Variants in PKD1L1 observed in about 807,000 individuals in gnomAD.
The protein encoded by PKD1L1 is polycystin-1-like protein 1.
In PKD1L1, 236 loss-of-function variants were observed where a neutral mutation model predicts 323.4. The observed-to-expected ratio is 0.73, with a 90% confidence interval of 0.66 to 0.81. The LOEUF is 0.81. Ranked by LOEUF, PKD1L1 falls within the 40% of genes least tolerant of loss-of-function variation. The pLI, the probability that PKD1L1 is intolerant of heterozygous loss-of-function variation, is 0.00. For synonymous variants in PKD1L1, 1,344 were observed against 1,335.0 expected (o/e 1.01, Z -0.15); for missense variants, 3,320 against 3,508.0 (o/e 0.95, Z 1.35).
At chr7:47,960,093 CAT>C in the PKD1L1 span, among the ~76,000 whole-genome samples, 1 of 151,670 alleles carries the variant, frequency 6.6e-6, no homozygotes, top group Admixed American at 6.6e-5. Context: ...CTCTCTGAAA[CAT>C]GTGCTGTGTC....
At chr7:47,865,963 G>A (rs957091309) in intron 25 of PKD1L1, among the ~76,000 whole-genome samples, 1 of 152,126 alleles carries the variant, frequency 6.6e-6, no homozygotes, top group South Asian at 2.1e-4. Context: ...GTATCTTAAA[G>A]TTGTAATGAA....
intron 4 of PKD1L1, among the ~76,000 whole-genome samples, chr7:47,935,065 C>T (rs1470011204): frequency 1.3e-5 from 2 of 152,218 alleles, no homozygotes; most frequent in Non-Finnish European, 2.9e-5. Flanking sequence ...TGCCAGGCCT[C>T]AGCAGAGAGA....
At chr7:47,879,626 T>TCA (rs1786487844) in intron 21 of PKD1L1, among the ~76,000 whole-genome samples, 1 of 79,260 alleles carries the variant, frequency 1.3e-5, no homozygotes, top group Non-Finnish European at 2.3e-5. Context: ...GAGCAAGACT[T>TCA]TGTCTCAAAA....
chr7:47,823,122 G>A (rs1028050260), intron 45 of PKD1L1, among the ~76,000 whole-genome samples: 2 of 152,118 alleles, frequency 1.3e-5, no homozygotes, highest in African/African-American at 4.8e-5. Flanking sequence ...TGATCGGAGA[G>A]GACATTTTTG....
chr7:47,942,454 C>G (rs942284770), intron 2 of PKD1L1, among the ~76,000 whole-genome samples: 2 of 151,982 alleles, frequency 1.3e-5, no homozygotes, highest in Admixed American at 6.6e-5. Flanking sequence ...CCCGCCCCCC[C>G]ACTCCATTTA....
intron 14 of PKD1L1, among the ~76,000 whole-genome samples, chr7:47,894,824 C>A (rs1418743080): frequency 6.7e-6 from 1 of 150,352 alleles, no homozygotes; most frequent in Non-Finnish European, 1.5e-5. Flanking sequence ...CACCACTACA[C>A]TCCAGCCTGG....
rs1787159528 is a variant in PKD1L1, at chr7:47,904,550, C to A, written c.1759G>T (p.Val587Leu). 1 of 1,613,990 alleles carries A rather than the reference C, an allele frequency of 6.2e-7. No individual in the cohort carries two copies. The highest frequency in any genetic ancestry group is 8.5e-7 in the Non-Finnish European group (1 of 1,180,034). ...SVVSEPHVIR[V>L]QKKIVANRLT... is the part of the protein sequence containing the mutation. ...CGATTGGCCACAATTTTCTTCTGCA[C>A]CCTGATGACATGGGGCTCAGAGACC... The change falls in exon 12 of 57, where the codon GTG becomes TTG. Residue 587 changes from valine (V) to leucine (L), a missense_variant. Val to Leu is a conservative substitution (Grantham distance 32, BLOSUM62 1). Transcript: ENST00000289672.
chr7:47,949,765 T>A (rs938009965), upstream of PKD1L1, among the ~76,000 whole-genome samples: 2 of 152,130 alleles, frequency 1.3e-5, no homozygotes, highest in Non-Finnish European at 2.9e-5. Context: ...AGGCACAAGC[T>A]CTTTCTCAGA....
At chr7:47,947,120 C>T (rs1563003659) in intron 1 of PKD1L1, among the ~76,000 whole-genome samples, 1 of 152,170 alleles carries the variant, frequency 6.6e-6, no homozygotes, top group Non-Finnish European at 1.5e-5. Flanking sequence ...TCAGACAATG[C>T]TTGGCAGCAG....
chr7:47,862,932 T>C (rs1267959173), intron 26 of PKD1L1, among the ~76,000 whole-genome samples: 1 of 152,128 alleles, frequency 6.6e-6, no homozygotes, highest in African/African-American at 2.4e-5. Context: ...GCTTTTACAA[T>C]GACTTGACTG....
intron 50 of PKD1L1, 27 bp downstream of exon 50, chr7:47,811,790 G>A (rs1470304341): frequency 6.4e-7 from 1 of 1,557,510 alleles, no homozygotes; most frequent in Admixed American, 1.8e-5. Flanking sequence ...TGCACCTCCA[G>A]GAGGCCCAAG....
At chr7:47,833,059 G>C in intron 41 of PKD1L1, 31 bp downstream of exon 41, 2 of 1,593,032 alleles carry the variant, frequency 1.3e-6, no homozygotes, top group Non-Finnish European at 1.7e-6. Flanking sequence ...GGACTGGCAG[G>C]AAGGGGGCTG....
chr7:47,868,066 T>A (rs1010949890), intron 24 of PKD1L1, among the ~76,000 whole-genome samples: 2 of 152,182 alleles, frequency 1.3e-5, no homozygotes, highest in Non-Finnish European at 2.9e-5. Context: ...CACAGAAATA[T>A]AATGTAACAA....
chr7:47,959,865 G>T, the PKD1L1 span, among the ~76,000 whole-genome samples: 1 of 151,344 alleles, frequency 6.6e-6, no homozygotes, highest in South Asian at 2.1e-4. Context: ...CCGTCTGGGA[G>T]GTGTACCCAA....
chr7:47,786,145 T>G (rs1284696332), intron 56 of PKD1L1, among the ~76,000 whole-genome samples: 1 of 152,154 alleles, frequency 6.6e-6, no homozygotes, highest in Admixed American at 6.5e-5. Context: ...CCAAAGTCAA[T>G]GAAGATTCAG....
intron 28 of PKD1L1, 54 bp downstream of exon 28, chr7:47,857,551 T>G: frequency 6.7e-7 from 1 of 1,489,118 alleles, no homozygotes; most frequent in Non-Finnish European, 9.3e-7. Context: ...TAAGCCCAAT[T>G]ACTGCAAATT....
At chr7:47,876,878 C>A (rs994156670) in intron 22 of PKD1L1, among the ~76,000 whole-genome samples, 1 of 152,162 alleles carries the variant, frequency 6.6e-6, no homozygotes, top group Non-Finnish European at 1.5e-5. Context: ...CTCCTGGGTT[C>A]AAGCAATTCT....
intron 45 of PKD1L1, among the ~76,000 whole-genome samples, chr7:47,824,239 T>C (rs543490229): frequency 9.8e-5 from 15 of 152,312 alleles, no homozygotes; most frequent in African/African-American, 3.4e-4. Flanking sequence ...TAGGAAAATA[T>C]TTTTAAAAAC....
In PKD1L1 at chr7:47,822,582, G is replaced by A. The variant is rs973045257; in HGVS notation, c.6855-1396C>T. Among the ~76,000 whole-genome samples, 14 of 111,414 alleles carry A rather than the reference G, an allele frequency of 1.3e-4. No individual in the cohort carries two copies. In the Admixed American group the frequency reaches 1.4e-3, roughly 11 times the overall value. 73.1% of individuals were successfully genotyped at this position (111,414 alleles called of 152,430 possible). On this transcript the variant is annotated intron_variant, in intron 45 of 56. Coordinates refer to ENST00000289672, the MANE Select transcript of PKD1L1 (RefSeq NM_138295.5). ...TGCGCTCCAGCCTGGGTGACAAAGT[G>A]AGACTCCGTCTCAAAAAAAAAAAAA... is the stretch of plus-strand genomic sequence containing the variant.
Sources: allele counts gnomAD v4.1 joint callset (sites outside exome capture counted in the v4.1 genomes callset), GRCh38; gene constraint gnomAD v4.1.1; transcripts MANE v1.5; gene names NCBI Gene and HGNC (gene_info 2026-07-23, HGNC 2026-07-21).